Variants in VAPA observed in about 807,000 individuals in gnomAD.
VAPA encodes the protein VAMP associated protein A, also known as vesicle-associated membrane protein-associated protein A.
A neutral mutation model predicts 25.6 loss-of-function variants in VAPA; 6 were observed. The observed-to-expected ratio is 0.23, with a 90% CI of 0.13 to 0.46. The LOEUF (loss-of-function observed/expected upper bound fraction) is 0.46, where lower values mean the gene tolerates loss of function less well. VAPA is among the 20% of genes least tolerant of loss of function. The pLI is 0.99. For synonymous variants in VAPA, 112 were observed against 106.2 expected (o/e 1.05, Z -0.34); for missense variants, 244 against 302.1 (o/e 0.81, Z 1.43).
Position 9,954,363 on chromosome 18 carries a change from CGG to C in VAPA, c.*153_*154del, listed in dbSNP as rs1413922753. The C allele has an allele frequency of 1.2e-5, 8 of 659,602 alleles. No individual in the cohort carries two copies. Among genetic ancestry groups the C allele is most frequent in the Non-Finnish European group, 2.0e-5 (8 of 393,778 alleles). The allele number at this position is 659,602 out of a possible 1,614,324, so 40.9% of individuals were successfully genotyped here. On this transcript the variant is annotated 3_prime_UTR_variant, in exon 6 of 6. Coordinates refer to ENST00000400000, the MANE Select transcript of VAPA (RefSeq NM_194434.3). ...AGGCTTTGCCTTTAATGATCTCTTA[CGG>C]TTAGAAAACACAATAAAAACAAACT... is the stretch of plus-strand genomic sequence containing the variant.
chr18:9,946,553 A>G (rs547194841), intron 4 of VAPA, among the ~76,000 whole-genome samples: 1 of 151,528 alleles, frequency 6.6e-6, no homozygotes, highest in Admixed American at 6.6e-5. Flanking sequence ...TTTTTCTTCC[A>G]GTGAGGCCCA....
At chr18:9,927,828 A>T (rs942777935) in intron 1 of VAPA, among the ~76,000 whole-genome samples, 1 of 152,044 alleles carries the variant, frequency 6.6e-6, no homozygotes, top group African/African-American at 2.4e-5. Flanking sequence ...TGGGACTAGG[A>T]GTAGGATTTT....
intron 1 of VAPA, among the ~76,000 whole-genome samples, chr18:9,924,206 A>T (rs895369860): frequency 6.6e-6 from 1 of 152,096 alleles, no homozygotes; most frequent in African/African-American, 2.4e-5. Flanking sequence ...AGTTTGTTTC[A>T]GGTTCTCTGA....
At chr18:9,931,146 A>C (rs29164) in intron 1 of VAPA, among the ~76,000 whole-genome samples, 2,298 of 152,280 alleles carry the variant, frequency 0.015, 59 homozygotes, top group African/African-American at 0.053. Flanking sequence ...CCAAATTAAC[A>C]GGTATTTATT....
intron 1 of VAPA, 88 bp downstream of exon 1, chr18:9,914,423 C>T: frequency 6.5e-6 from 8 of 1,236,836 alleles, no homozygotes; most frequent in Non-Finnish European, 8.5e-6. Context: ...CGTCCGCGGC[C>T]CTGGCCCGAG....
intron 1 of VAPA, among the ~76,000 whole-genome samples, chr18:9,917,883 T>A (rs56974808): frequency 0.017 from 2,628 of 152,292 alleles, 90 homozygotes; most frequent in African/African-American, 0.059. Context: ...GCTCTTCATG[T>A]TTCCCAGTGG....
chr18:9,925,097 C>T (rs373490248), intron 1 of VAPA: 26 of 151,958 alleles, frequency 1.7e-4, no homozygotes, highest in Non-Finnish European at 3.4e-4. Flanking sequence ...TGGTCCCTTC[C>T]GGTTGGTAAC....
At chr18:9,949,274 G>A (rs1310701473) in intron 4 of VAPA, 1 of 152,192 alleles carries the variant, frequency 6.6e-6, no homozygotes, top group Non-Finnish European at 1.5e-5. Flanking sequence ...GAAGCTTGAA[G>A]AAGAATGGAA....
Position 9,914,139 on chromosome 18 carries a change from G to A in VAPA, c.-118G>A. Reference sequence around the variant, plus strand: ...GACACAGCGGCAGGCGTTAGGGCTCGGGAGCCGCGAGCCTGGCCTCGTCCT... The same window carrying A: ...GACACAGCGGCAGGCGTTAGGGCTCAGGAGCCGCGAGCCTGGCCTCGTCCT... On this transcript the variant is annotated 5_prime_UTR_variant, in exon 1 of 6. Coordinates refer to ENST00000400000, the MANE Select transcript of VAPA (RefSeq NM_194434.3). 1.2e-6 allele frequency: 1 copy of A among 857,494 alleles called. No homozygotes were observed. The highest frequency in any genetic ancestry group is 3.4e-5 in the East Asian group (1 of 29,736). 53.1% of individuals were successfully genotyped at this position (857,494 alleles called of 1,614,324 possible). A position where few individuals can be genotyped will look rare whatever the true frequency, so the allele number is the denominator to read the frequency against.
intron 4 of VAPA, among the ~76,000 whole-genome samples, chr18:9,946,376 C>G (rs1049960304): frequency 6.6e-6 from 1 of 152,132 alleles, no homozygotes; most frequent in Non-Finnish European, 1.5e-5. Flanking sequence ...CTTATTCAAC[C>G]TGCAGCCTGC....
chr18:9,955,283 A>G lies in VAPA; in HGVS notation c.*1072A>G, dbSNP rs753653196. 17 of 152,212 alleles carry G rather than the reference A, an allele frequency of 1.1e-4. No individual in the cohort carries two copies. The highest frequency in any genetic ancestry group is 3.6e-4 in the African/African-American group (15 of 41,470). The allele number at this position is 152,212 out of a possible 1,614,324, so 9.4% of individuals were successfully genotyped here. The stretch of plus-strand genomic sequence containing the variant: ...TTTCGTGCTCAATTTGGCACTCAAA[A>G]TAATGTTCATTATGGAAGTTTGGTA... On this transcript the variant is annotated 3_prime_UTR_variant, in exon 6 of 6. Transcript: ENST00000400000.
At chr18:9,952,639 A>C (rs548505833) in intron 5 of VAPA, among the ~76,000 whole-genome samples, 1 of 151,502 alleles carries the variant, frequency 6.6e-6, no homozygotes, top group Non-Finnish European at 1.5e-5. Context: ...CAGGCCCACC[A>C]TAATTTTTTG....
intron 1 of VAPA, among the ~76,000 whole-genome samples, chr18:9,921,638 A>T (rs1056027679): frequency 6.6e-6 from 1 of 152,162 alleles, no homozygotes; most frequent in African/African-American, 2.4e-5. Context: ...ACCTTTACTG[A>T]CCATTTAGTG....
At chr18:9,926,343 G>A (rs543781859) in intron 1 of VAPA, among the ~76,000 whole-genome samples, 1 of 152,294 alleles carries the variant, frequency 6.6e-6, no homozygotes, top group South Asian at 2.1e-4. Context: ...GTCATCACCT[G>A]CATTGCTGTG....
At chr18:9,937,212 G>T (rs2069320016) in intron 4 of VAPA, 146 bp downstream of exon 4, 5 of 315,896 alleles carry the variant, frequency 1.6e-5, no homozygotes, top group African/African-American at 3.0e-5. Context: ...AAAAAACTTG[G>T]TATGCCTTTT....
chr18:9,944,899 G>T (rs1178783550), intron 4 of VAPA: 1 of 1,611,872 alleles, frequency 6.2e-7, no homozygotes, highest in South Asian at 1.1e-5. Flanking sequence ...GAGAATCTGA[G>T]AATATGTTTC....
chr18:9,953,440 A>G (rs2069510598), intron 5 of VAPA, among the ~76,000 whole-genome samples: 1 of 152,240 alleles, frequency 6.6e-6, no homozygotes, highest in African/African-American at 2.4e-5. Context: ...CTTTGAGCAT[A>G]TAAAAACACT....
intron 1 of VAPA, among the ~76,000 whole-genome samples, chr18:9,915,387 C>T (rs897977288): frequency 3.9e-5 from 6 of 152,092 alleles, no homozygotes; most frequent in African/African-American, 1.4e-4. Flanking sequence ...TGGTCGGTTT[C>T]CTTGTCAATA....
At chr18:9,930,971 G>T (rs1168337776) in intron 1 of VAPA, among the ~76,000 whole-genome samples, 1 of 152,030 alleles carries the variant, frequency 6.6e-6, no homozygotes, top group Non-Finnish European at 1.5e-5. Context: ...TTGAAATAAA[G>T]AAAAGAGAGC....
Sources: allele counts gnomAD v4.1 joint callset (sites outside exome capture counted in the v4.1 genomes callset), GRCh38; gene constraint gnomAD v4.1.1; transcripts MANE v1.5; gene names NCBI Gene and HGNC (gene_info 2026-07-23, HGNC 2026-07-21).